CLCNKA: variants seen among roughly 807,000 people sequenced by gnomAD.
CLCNKA encodes chloride voltage-gated channel Ka, also known as chloride channel protein ClC-Ka.
In CLCNKA, 66 loss-of-function variants were observed where a neutral mutation model predicts 83.3. The ratio of observed to expected loss-of-function variants is 0.79; its 90% CI spans 0.65 to 0.97. The LOEUF (loss-of-function observed/expected upper bound fraction) is 0.97, where lower values mean the gene tolerates loss of function less well. CLCNKA is among the 50% of genes least tolerant of loss of function. The pLI, the probability that CLCNKA is intolerant of heterozygous loss-of-function variation, is 0.00. For missense variants in CLCNKA, 806 were observed against 888.7 expected (o/e 0.91, Z 1.18); for synonymous variants, 357 against 370.4 (o/e 0.96, Z 0.42).
At chr1:16,030,380 C>G in intron 14 of CLCNKA, 81 bp from the exon 15 acceptor site, 1 of 1,542,828 alleles carries the variant, frequency 6.5e-7, no homozygotes, top group East Asian at 2.3e-5. Context: ...CCCCCGGCAG[C>G]AGCCAGGCTA....
At chr1:16,031,077 A>G (rs796125781) in intron 15 of CLCNKA, among the ~76,000 whole-genome samples, 94 of 152,336 alleles carry the variant, frequency 6.2e-4, no homozygotes, top group African/African-American at 2.2e-3. Flanking sequence ...AGGAGGTGGA[A>G]CGAGAATGGA....
At chr1:16,032,554 C>T (rs375124604) in intron 18 of CLCNKA, 28 bp downstream of exon 18, 42 of 1,559,478 alleles carry the variant, frequency 2.7e-5, no homozygotes, top group African/African-American at 1.5e-4. Context: ...GTGTGACACA[C>T]GCAGCCCCCG....
chr1:16,030,500 C>G lies in CLCNKA; in HGVS notation c.1448C>G (p.Ser483Cys). 1 of 1,613,004 alleles carries G rather than the reference C, an allele frequency of 6.2e-7. No homozygotes were observed. The change falls in exon 15 of 20, where the codon TCC becomes TGC. Residue 483 changes from serine (S) to cysteine (C), a missense_variant. Coordinates refer to ENST00000331433, the MANE Select transcript of CLCNKA (RefSeq NM_004070.4). ...AFSGAVTHTISTALLAFELTG... is the reference protein window; with the variant it reads ...AFSGAVTHTICTALLAFELTG... ...TCAGGGGCTGTGACCCACACCATCT[C>G]CACGGCGCTGCTGGCCTTTGAGCTG...
intron 4 of CLCNKA, 111 bp from the exon 5 acceptor site, chr1:16,025,997 G>C (rs11584665): frequency 7.0e-7 from 1 of 1,428,170 alleles, no homozygotes. Context: ...CTCGCGATCC[G>C]CCTGCCTCGG....
intron 8 of CLCNKA, 70 bp from the exon 9 acceptor site, chr1:16,027,751 G>A: frequency 2.1e-6 from 3 of 1,404,990 alleles, no homozygotes; most frequent in Non-Finnish European, 2.9e-6. Context: ...ACCCTGGGCT[G>A]TTAGTCTGGG....
chr1:16,026,929 G>A (rs1227112997), intron 7 of CLCNKA, 154 bp downstream of exon 7: 6 of 1,011,744 alleles, frequency 5.9e-6, no homozygotes, highest in East Asian at 2.6e-5. Flanking sequence ...CCCCCCGGGG[G>A]CGGCGGGGCG....
chr1:16,026,929 G>T, intron 7 of CLCNKA, 154 bp downstream of exon 7: 1 of 1,011,748 alleles, frequency 9.9e-7, no homozygotes, highest in Non-Finnish European at 1.5e-6. Context: ...CCCCCCGGGG[G>T]CGGCGGGGCG....
At chr1:16,032,104 G>T in intron 16 of CLCNKA, 99 bp from the exon 17 acceptor site, 5 of 1,273,928 alleles carry the variant, frequency 3.9e-6, no homozygotes, top group Non-Finnish European at 5.7e-6. Context: ...AGCTGCTGGG[G>T]TAGGAGCATG....
At chr1:16,032,912 T>A (rs2022689384) in intron 18 of CLCNKA, among the ~76,000 whole-genome samples, 1 of 152,188 alleles carries the variant, frequency 6.6e-6, no homozygotes, top group Non-Finnish European at 1.5e-5. Context: ...ACAGGGGACC[T>A]GGAGATGGCC....
chr1:16,033,479 A>T, intron 19 of CLCNKA, 132 bp from the exon 20 acceptor site: 2 of 943,100 alleles, frequency 2.1e-6, no homozygotes, highest in Non-Finnish European at 3.4e-6. Context: ...CAGTGATCCC[A>T]TCTGTGCAAT....
rs1185855161 is a variant in CLCNKA at position 16,033,977 on chromosome 1, C to A, written c.*319C>A. The stretch of plus-strand genomic sequence containing the variant: ...GATTGGAGTACACTGTCACCAAGGG[C>A]AGGCAAAGATGCCCTCTGGGGTTGT... On this transcript the variant is annotated 3_prime_UTR_variant, in exon 20 of 20. Transcript: ENST00000331433. The A allele has an allele frequency of 7.4e-5, 32 of 432,036 alleles. 2 individuals are homozygous for A. The highest frequency in any genetic ancestry group is 1.3e-4 in the Non-Finnish European group (30 of 231,664). The allele number at this position is 432,036 out of a possible 1,614,324, so 26.8% of individuals were successfully genotyped here.
intron 12 of CLCNKA, 133 bp from the exon 13 acceptor site, chr1:16,029,598 G>A (rs971267879): frequency 8.1e-7 from 1 of 1,227,410 alleles, no homozygotes; most frequent in Admixed American, 1.7e-5. Context: ...CCTAATGCCA[G>A]ACTCTGGCAG....
At chr1:16,025,916 G>A (rs539743605) in intron 4 of CLCNKA, among the ~76,000 whole-genome samples, 192 bp from the exon 5 acceptor site, 73 of 152,216 alleles carry the variant, frequency 4.8e-4, no homozygotes, top group Non-Finnish European at 8.4e-4. Context: ...CACCATGCCC[G>A]GCTAATTTTT....
intron 18 of CLCNKA, 99 bp downstream of exon 18, chr1:16,032,625 C>G: frequency 2.2e-6 from 2 of 916,032 alleles, no homozygotes; most frequent in South Asian, 2.8e-5. Context: ...CCCCGCCCCG[C>G]CCATCTTATC....
chr1:16,027,163 A>T (rs2022394509), intron 7 of CLCNKA, 147 bp from the exon 8 acceptor site: 3 of 1,202,400 alleles, frequency 2.5e-6, no homozygotes, highest in Admixed American at 2.1e-5. Context: ...CCAGGGCGCA[A>T]GCCCTGCCCT....
chr1:16,033,648 C>G lies in CLCNKA; in HGVS notation c.2054C>G (p.Ala685Gly). 1 of 1,605,164 alleles carries G rather than the reference C, an allele frequency of 6.2e-7. No individual in the cohort carries two copies. Among genetic ancestry groups the G allele is most frequent in the Non-Finnish European group, 8.5e-7 (1 of 1,176,488 alleles). Residue 685 changes from alanine to glycine, a missense_variant, in exon 20 of 20, where the codon GCT becomes GGT. Coordinates refer to ENST00000331433, the MANE Select transcript of CLCNKA (RefSeq NM_004070.4). The part of the protein sequence containing the change: ...KAISNLTNPP[A>G]PK ...ATTTCCAACCTGACAAATCCGCCAG[C>G]TCCAAAGTGAGCCGGCCCAGCAAGA...
rs756386646 is a variant in CLCNKA, at chr1:16,027,924, C to A, written c.866+19C>A. 2.3e-5 allele frequency: 37 copies of A among 1,613,896 alleles called. No individual in the cohort carries two copies. Among genetic ancestry groups the A allele is most frequent in the Non-Finnish European group, 3.1e-5 (37 of 1,179,904 alleles). On this transcript the variant is annotated intron_variant, in intron 9 of 19. Transcript: ENST00000331433. ...CGCTGGGGTGAGTGGGTGCCTTGGGCCCCTGAGAGTCCAAAAGGCATTCCC... is the reference window on the plus strand; with the variant it reads ...CGCTGGGGTGAGTGGGTGCCTTGGGACCCTGAGAGTCCAAAAGGCATTCCC...
At chr1:16,031,907 C>A (rs1285688230) in intron 16 of CLCNKA, 64 bp downstream of exon 16, 5 of 1,610,256 alleles carry the variant, frequency 3.1e-6, no homozygotes, top group Non-Finnish European at 4.2e-6. Flanking sequence ...CTTCTTGAAC[C>A]TGTCAGGCAG....
At chr1:16,022,220 G>C (rs1292215804) in intron 1 of CLCNKA, among the ~76,000 whole-genome samples, 157 bp downstream of exon 1, 1 of 152,132 alleles carries the variant, frequency 6.6e-6, no homozygotes, top group Non-Finnish European at 1.5e-5. Context: ...GAGCTGTCGG[G>C]GAGAAAGGAG....
Sources: allele counts gnomAD v4.1 joint callset (sites outside exome capture counted in the v4.1 genomes callset), GRCh38; gene constraint gnomAD v4.1.1; transcripts MANE v1.5; gene names NCBI Gene and HGNC (gene_info 2026-07-23, HGNC 2026-07-21).